Variants in BPIFA2 observed in about 807,000 individuals in gnomAD.
BPIFA2 encodes BPI fold containing family A member 2.
Under a neutral mutation model 25.7 loss-of-function variants are expected in BPIFA2, and 20 were observed. The ratio of observed to expected loss-of-function variants is 0.78; its 90% CI spans 0.55 to 1.13. The LOEUF is 1.13. Ranked by LOEUF, BPIFA2 falls within the 50% of genes most tolerant of loss-of-function variation. The pLI is 0.00. For missense variants in BPIFA2, 300 were observed against 298.1 expected (o/e 1.01, Z -0.05); for synonymous variants, 126 against 124.3 (o/e 1.01, Z -0.09).
chr20:33,181,018 C>T (rs1192444379), intron 8 of BPIFA2, among the ~76,000 whole-genome samples: 1 of 152,178 alleles, frequency 6.6e-6, no homozygotes, highest in African/African-American at 2.4e-5. Context: ...GAAGATGAGT[C>T]AGTGCCAGGT....
At chr20:33,180,432 C>T (rs981893950) in intron 7 of BPIFA2, 88 bp from the exon 8 acceptor site, 37 of 1,435,408 alleles carry the variant, frequency 2.6e-5, no homozygotes, top group African/African-American at 8.4e-5. Context: ...GTCAGGTTAC[C>T]GGCTGGAGAG....
At chr20:33,171,888 G>GTATA (rs200341333) in intron 2 of BPIFA2, among the ~76,000 whole-genome samples, 1,938 of 152,212 alleles carry the variant, frequency 0.013, 43 homozygotes, top group African/African-American at 0.043. Context: ...CCATTACTGG[G>GTATA]TATATCCCCA....
chr20:33,169,532 A>G (rs1983833232), intron 2 of BPIFA2, among the ~76,000 whole-genome samples: 1 of 152,226 alleles, frequency 6.6e-6, no homozygotes, highest in South Asian at 2.1e-4. Context: ...AATTCCTACA[A>G]GTGGGATTTC....
intron 1 of BPIFA2, among the ~76,000 whole-genome samples, chr20:33,168,635 G>A (rs1983796954): frequency 6.6e-6 from 1 of 152,230 alleles, no homozygotes; most frequent in African/African-American, 2.4e-5. Context: ...GGATTCGACA[G>A]TGAAATAAGT....
At chr20:33,174,694 T>G (rs1984014671) in intron 4 of BPIFA2, among the ~76,000 whole-genome samples, 1 of 152,150 alleles carries the variant, frequency 6.6e-6, no homozygotes, top group South Asian at 2.1e-4. Flanking sequence ...GAGGATTGCT[T>G]GAGCTCAGGA....
intron 1 of BPIFA2, among the ~76,000 whole-genome samples, chr20:33,162,804 AT>A (rs1411876273): frequency 6.6e-6 from 1 of 152,168 alleles, no homozygotes; most frequent in African/African-American, 2.4e-5. Context: ...GAATCCTCCC[AT>A]CATTTGTCTT....
chr20:33,173,451 C>T (rs892891524), intron 3 of BPIFA2, among the ~76,000 whole-genome samples: 8 of 152,166 alleles, frequency 5.3e-5, no homozygotes, highest in Admixed American at 2.0e-4. Flanking sequence ...CTGGAGTCTT[C>T]GCCACATAAC....
At chr20:33,170,696 G>A (rs1300472036) in intron 2 of BPIFA2, among the ~76,000 whole-genome samples, 8 of 152,122 alleles carry the variant, frequency 5.3e-5, no homozygotes, top group African/African-American at 9.7e-5. Flanking sequence ...ACCCAGTCAC[G>A]ACATTTATTC....
upstream of BPIFA2, among the ~76,000 whole-genome samples, chr20:33,166,565 G>A (rs568816070): frequency 7.9e-4 from 120 of 152,266 alleles, no homozygotes; most frequent in African/African-American, 2.7e-3. Context: ...CAGATAAAGA[G>A]CCTGAGGCTC....
Position 33,169,270 on chromosome 20 carries a change from A to G in BPIFA2, c.125A>G (p.Glu42Gly), listed in dbSNP as rs1327337967. 1.2e-6 allele frequency: 2 copies of G among 1,614,148 alleles called. No homozygotes were observed. The highest frequency in any genetic ancestry group is 1.7e-6 in the Non-Finnish European group (2 of 1,179,972). ...GATAAGCTGGAACCTGTTCTTCACG[A>G]GGGACTTGAGACAGTTGACAATACT... ...VVDKLEPVLH[E>G]GLETVDNTLK... Residue 42 changes from glutamate to glycine, a missense_variant, in exon 2 of 9, where the codon GAG becomes GGG. Coordinates refer to ENST00000354932, the MANE Select transcript of BPIFA2 (RefSeq NM_080574.4).
intron 8 of BPIFA2, 41 bp downstream of exon 8, chr20:33,180,638 T>C (rs756986249): frequency 2.5e-5 from 37 of 1,483,376 alleles, no homozygotes; most frequent in Non-Finnish European, 3.5e-5. Flanking sequence ...CAGGGGCCTA[T>C]GGTGAAGTAA....
Position 33,172,955 on chromosome 20 carries a change from G to A in BPIFA2, c.181G>A (p.Asp61Asn), listed in dbSNP as rs374774599. Residue 61 changes from aspartate to asparagine, a missense_variant, in exon 3 of 9, where the codon GAC (aspartate) becomes AAC (asparagine). By Grantham distance (23) the Asp-to-Asn change is conservative (BLOSUM62 1). Coordinates refer to ENST00000354932, the MANE Select transcript of BPIFA2 (RefSeq NM_080574.4). ...LKGILEKLKV[D>N]LGVLQKSSAW... Reference sequence around the variant, plus strand: ...AGGCATCCTTGAGAAACTGAAGGTCGACCTAGGAGTGCTTCAGAAATCCAG... The same window carrying A: ...AGGCATCCTTGAGAAACTGAAGGTCAACCTAGGAGTGCTTCAGAAATCCAG... 19 of 1,612,654 alleles carry A rather than the reference G, an allele frequency of 1.2e-5. No homozygotes were observed. The highest frequency in any genetic ancestry group is 2.2e-5 in the East Asian group (1 of 44,844).
At chr20:33,173,109 T>TGGGAGTGGTGG in intron 3 of BPIFA2, 33 bp downstream of exon 3, 1 of 1,603,790 alleles carries the variant, frequency 6.2e-7, no homozygotes. Context: ...AGATCTTTGC[T>TGGGAGTGGTGG]CTAAGGAAAG....
At chr20:33,172,699 G>A (rs1163302369) in intron 2 of BPIFA2, among the ~76,000 whole-genome samples, 1 of 152,100 alleles carries the variant, frequency 6.6e-6, no homozygotes, top group African/African-American at 2.4e-5. Context: ...ATAGTACGGA[G>A]GCAGTATGGA....
chr20:33,175,808 C>G (rs1228013209), intron 5 of BPIFA2, among the ~76,000 whole-genome samples: 1 of 152,118 alleles, frequency 6.6e-6, no homozygotes, highest in African/African-American at 2.4e-5. Context: ...TCTGAGATGA[C>G]CAGATGAGAA....
chr20:33,178,190 A>C lies in BPIFA2; in HGVS notation c.607A>C (p.Thr203Pro), dbSNP rs1187784094. 1 of 1,607,706 alleles carries C rather than the reference A, an allele frequency of 6.2e-7. No individual in the cohort carries two copies. The highest frequency in any genetic ancestry group is 1.7e-5 in the Admixed American group (1 of 59,690). ...INKFVNSVINTLKSTVSSLLQ... is the reference protein window; with the variant it reads ...INKFVNSVINPLKSTVSSLLQ... ...CAAGTTCGTGAATAGCGTGATCAACACGCTGAAAAGCACTGTATCCTCCCT... is the reference window on the plus strand; with the variant it reads ...CAAGTTCGTGAATAGCGTGATCAACCCGCTGAAAAGCACTGTATCCTCCCT... The change falls in exon 6 of 9, where the codon ACG (threonine) becomes CCG (proline). Residue 203 changes from threonine (T) to proline (P), a missense_variant. Transcript: ENST00000354932.
chr20:33,175,289 G>A, intron 4 of BPIFA2, 118 bp from the exon 5 acceptor site: 2 of 995,106 alleles, frequency 2.0e-6, no homozygotes, highest in Non-Finnish European at 3.0e-6. Context: ...ATATTACCTG[G>A]GCCATGTTGA....
At position 33,162,548 on chromosome 20, in the gene BPIFA2, A is replaced by C. The variant is rs114767430; in HGVS notation, c.-16+650A>C. Among the ~76,000 whole-genome samples the C allele has an allele frequency of 4.3e-3, 649 of 152,212 alleles. 2 individuals are homozygous for C. The highest frequency in any genetic ancestry group is 0.015 in the African/African-American group (605 of 41,518). On this transcript the variant is annotated intron_variant, in intron 1 of 8. Transcript: ENST00000253362. ...GGCACAGCACTTCTGAGTTATCTTT[A>C]CTGAGCACTTATGATGTGCCCGACA...
intron 2 of BPIFA2, among the ~76,000 whole-genome samples, chr20:33,171,793 CTG>C (rs1329575555): frequency 7.2e-5 from 11 of 152,282 alleles, no homozygotes; most frequent in African/African-American, 2.2e-4. Flanking sequence ...GTTGGTGGGA[CTG>C]TAAATTAGTT....
Sources: allele counts gnomAD v4.1 joint callset (sites outside exome capture counted in the v4.1 genomes callset), GRCh38; gene constraint gnomAD v4.1.1; transcripts MANE v1.5; gene names NCBI Gene and HGNC (gene_info 2026-07-23, HGNC 2026-07-21).